The following ITGB8 variants were observed in gnomAD, a reference collection of about 807,000 sequenced individuals.
The protein encoded by ITGB8 is integrin beta-8.
ITGB8 carries 30 observed loss-of-function variants against 89.5 expected under a neutral mutation model. That is an observed-to-expected ratio of 0.34 (90% confidence interval 0.25 to 0.45). The LOEUF is 0.45. ITGB8 is among the 20% of genes least tolerant of loss of function. ITGB8 has a pLI of 1.00. For synonymous variants in ITGB8, 335 were observed against 320.4 expected (o/e 1.05, Z -0.49); for missense variants, 836 against 933.3 (o/e 0.90, Z 1.36).
rs944397404 is a variant in ITGB8, at chr7:20,383,426, C to G, written c.960+1541C>G. On this transcript the variant is annotated intron_variant, in intron 6 of 13. Transcript: ENST00000222573. ...AGTCATTTCTTATCTATCTTTCCTT[C>G]TATTTAACCTCTTTTGATTGATGGT... Among the ~76,000 whole-genome samples, 72 of 152,242 alleles carry G rather than the reference C, an allele frequency of 4.7e-4. 1 individual carries two copies. Among genetic ancestry groups the G allele is most frequent in the African/African-American group, 1.6e-3 (68 of 41,554 alleles).
At chr7:20,334,237 C>G (rs1378041361) in intron 1 of ITGB8, among the ~76,000 whole-genome samples, 1 of 151,894 alleles carries the variant, frequency 6.6e-6, no homozygotes, top group Non-Finnish European at 1.5e-5. Context: ...TGAAGATTAC[C>G]CACAGCTAGA....
At chr7:20,335,443 C>T (rs935978127) in intron 1 of ITGB8, among the ~76,000 whole-genome samples, 5 of 152,112 alleles carry the variant, frequency 3.3e-5, no homozygotes, top group African/African-American at 9.7e-5. Flanking sequence ...ATCTGCTTCC[C>T]GTGACAAATG....
Position 20,410,756 on chromosome 7 carries a change from G to A in ITGB8, c.*759G>A, listed in dbSNP as rs1446470258. The A allele has an allele frequency of 6.6e-6, 1 of 152,588 alleles. No homozygotes were observed. Among genetic ancestry groups the A allele is most frequent in the East Asian group, 1.9e-4 (1 of 5,202 alleles). 9.5% of individuals were successfully genotyped at this position (152,588 alleles called of 1,614,324 possible). A position where few individuals can be genotyped will look rare whatever the true frequency, so the allele number is the denominator to read the frequency against. ...TGCCATAAAAAACTAATAATACAAT[G>A]TCACTTTATCAGAATACTAGTTTTA... On this transcript the variant is annotated 3_prime_UTR_variant, in exon 14 of 14. Transcript: ENST00000222573.
intron 7 of ITGB8, among the ~76,000 whole-genome samples, chr7:20,391,950 G>A (rs941407631): frequency 2.0e-5 from 3 of 152,080 alleles, no homozygotes; most frequent in African/African-American, 7.2e-5. Flanking sequence ...TTTGGTCTAG[G>A]TCATTCAATA....
At chr7:20,355,657 A>G (rs897862830) in intron 1 of ITGB8, among the ~76,000 whole-genome samples, 1 of 152,206 alleles carries the variant, frequency 6.6e-6, no homozygotes, top group Admixed American at 6.5e-5. Flanking sequence ...AGTTTGCCCC[A>G]TAAAGATACT....
At chr7:20,332,792 T>C (rs554985365) in intron 1 of ITGB8, among the ~76,000 whole-genome samples, 1 of 152,356 alleles carries the variant, frequency 6.6e-6, no homozygotes, top group East Asian at 1.9e-4. Context: ...TAAGGTGGTA[T>C]ACCAGATTGG....
rs202048761 is a variant in ITGB8 at position 20,380,809 on chromosome 7, T to C, written c.779T>C (p.Met260Thr). 29 of 1,613,142 alleles carry C rather than the reference T, an allele frequency of 1.8e-5. No individual in the cohort carries two copies. The East Asian group carries it at 6.0e-4, about 33-fold the overall frequency. The stretch of plus-strand genomic sequence containing the variant: ...ACACCAGAAGGAGGTTTTGACGCCA[T>C]GCTTCAGGCAGCTGTCTGTGAAGTA... ...IDTPEGGFDA[M>T]LQAAVCESHI... The change falls in exon 5 of 14, where the codon ATG becomes ACG. Residue 260 changes from methionine to threonine, a missense_variant. This residue lies in a region of ITGB8 where 192 missense variants were observed against 267.1 expected (regional missense o/e 0.72). Coordinates refer to ENST00000222573, the MANE Select transcript of ITGB8 (RefSeq NM_002214.3).
chr7:20,397,960 G>GTTT (rs1787157366), intron 8 of ITGB8, among the ~76,000 whole-genome samples: 2 of 150,194 alleles, frequency 1.3e-5, no homozygotes, highest in Admixed American at 1.3e-4. Flanking sequence ...CCTTTTTTTT[G>GTTT]TTTGTTTTTT....
chr7:20,401,760 G>A lies in ITGB8; in HGVS notation c.1321G>A (p.Val441Ile). The A allele has an allele frequency of 6.3e-7, 1 of 1,583,458 alleles. No homozygotes were observed. ...NVTVTMKKCDVTGGKNYAIIK... is the reference protein window; with the variant it reads ...NVTVTMKKCDITGGKNYAIIK... Reference sequence around the variant, plus strand: ...AACAGTTACAATGAAAAAATGTGATGTCACAGGAGGAAAAAACTATGCAAT... The same window carrying A: ...AACAGTTACAATGAAAAAATGTGATATCACAGGAGGAAAAAACTATGCAAT... The change falls in exon 10 of 14, where the codon GTC (valine) becomes ATC (isoleucine). Residue 441 changes from valine (V) to isoleucine (I), a missense_variant. Physicochemically the swap from Val to Ile is conservative, Grantham distance 29 (BLOSUM62 3). Transcript: ENST00000222573.
At chr7:20,378,190 T>C (rs543363978) in intron 3 of ITGB8, among the ~76,000 whole-genome samples, 1 of 152,328 alleles carries the variant, frequency 6.6e-6, no homozygotes, top group African/African-American at 2.4e-5. Flanking sequence ...TTGTATCAAA[T>C]AGTAATATGA....
chr7:20,379,812 G>C (rs1786301868), intron 4 of ITGB8: 1 of 152,166 alleles, frequency 6.6e-6, no homozygotes, highest in South Asian at 2.1e-4. Context: ...GTCAAAAGAT[G>C]AGAATTTGAT....
intron 12 of ITGB8, among the ~76,000 whole-genome samples, chr7:20,408,877 T>C (rs899058890): frequency 2.0e-5 from 3 of 152,092 alleles, no homozygotes; most frequent in African/African-American, 7.2e-5. Flanking sequence ...TAATTATTTG[T>C]CCTAAGCATT....
Position 20,411,880 on chromosome 7 carries a change from G to A in ITGB8, c.*1883G>A, listed in dbSNP as rs1366061806. On this transcript the variant is annotated 3_prime_UTR_variant, in exon 14 of 14. Coordinates refer to ENST00000222573, the MANE Select transcript of ITGB8 (RefSeq NM_002214.3). Reference sequence around the variant, plus strand: ...TGAGACCTTGATACACGGGCCATGAGCCCTGTCTTCCCCAATGGAAATTTA... The same window carrying A: ...TGAGACCTTGATACACGGGCCATGAACCCTGTCTTCCCCAATGGAAATTTA... The A allele has an allele frequency of 6.6e-6, 1 of 152,330 alleles. No individual in the cohort carries two copies. 9.4% of individuals were successfully genotyped at this position (152,330 alleles called of 1,614,324 possible). A position where few individuals can be genotyped will look rare whatever the true frequency, so the allele number is the denominator to read the frequency against.
intron 1 of ITGB8, among the ~76,000 whole-genome samples, chr7:20,341,768 G>T (rs897741398): frequency 6.6e-6 from 1 of 152,050 alleles, no homozygotes; most frequent in African/African-American, 2.4e-5. Flanking sequence ...GAACTCACTT[G>T]CCTGAGGTTG....
intron 1 of ITGB8, chr7:20,346,982 C>G (rs943707287): frequency 1.8e-5 from 7 of 389,524 alleles, no homozygotes; most frequent in African/African-American, 1.5e-4. Flanking sequence ...TGGAAAATGA[C>G]TAGGTCATGA....
intron 3 of ITGB8, among the ~76,000 whole-genome samples, chr7:20,375,169 A>C (rs1056085547): frequency 1.3e-5 from 2 of 152,098 alleles, no homozygotes; most frequent in South Asian, 4.1e-4. Flanking sequence ...AATTAACCTG[A>C]TTTTACCTTG....
At chr7:20,400,360 A>G (rs546340056) in intron 9 of ITGB8, among the ~76,000 whole-genome samples, 71 of 152,320 alleles carry the variant, frequency 4.7e-4, no homozygotes, top group African/African-American at 1.6e-3. Context: ...CAGTGGCCAC[A>G]TTAACTTATG....
intron 3 of ITGB8, among the ~76,000 whole-genome samples, chr7:20,374,874 T>A (rs1786073421): frequency 6.6e-6 from 1 of 152,020 alleles, no homozygotes; most frequent in Non-Finnish European, 1.5e-5. Flanking sequence ...AATAAGTAAT[T>A]TGGATTTTAA....
Position 20,398,798 on chromosome 7 carries a change from C to G in ITGB8, c.1147-62C>G, listed in dbSNP as rs371781708. On this transcript the variant is annotated intron_variant, in intron 8 of 13. Coordinates refer to ENST00000222573, the MANE Select transcript of ITGB8 (RefSeq NM_002214.3). Reference sequence around the variant, plus strand: ...CTATAATGATTTAATAAGCTTGACTCTGCTTTGTTGCTGACATTTGAAACT... The same window carrying G: ...CTATAATGATTTAATAAGCTTGACTGTGCTTTGTTGCTGACATTTGAAACT... 4 of 1,217,002 alleles carry G rather than the reference C, an allele frequency of 3.3e-6. No homozygotes were observed. In the African/African-American group the frequency reaches 6.2e-5, roughly 19 times the overall value. 75.4% of individuals were successfully genotyped at this position (1,217,002 alleles called of 1,614,324 possible).
Sources: gnomAD v4.1 joint callset for allele counts (sites outside exome capture counted in the v4.1 genomes callset) on GRCh38, gnomAD v4.1.1 for gene constraint, gnomAD v4.1.1 regional missense constraint, MANE v1.5 for transcripts, NCBI Gene and HGNC (gene_info 2026-07-23, HGNC 2026-07-21) for gene names.